The following KCNJ6 variants were observed in gnomAD, a reference collection of about 807,000 sequenced individuals.
KCNJ6 encodes the protein G protein-activated inward rectifier potassium channel 2.
In KCNJ6, 9 loss-of-function variants were observed where a neutral mutation model predicts 34.2. That is an observed-to-expected ratio of 0.26 (90% confidence interval 0.16 to 0.46). The LOEUF is 0.46. Among genes scored for constraint, KCNJ6 ranks in the 20% least tolerant of loss-of-function variants. The pLI is 1.00. For synonymous variants in KCNJ6, 196 were observed against 207.1 expected (o/e 0.95, Z 0.46); for missense variants, 236 against 531.3 (o/e 0.44, Z 5.46).
At chr21:37,803,797 T>C (rs952722428) in intron 2 of KCNJ6, among the ~76,000 whole-genome samples, 2 of 152,204 alleles carry the variant, frequency 1.3e-5, no homozygotes, top group African/African-American at 4.8e-5. Flanking sequence ...TCTGTTTCTC[T>C]CTTGGCATGA....
At chr21:37,852,429 T>C (rs2055542282) in intron 1 of KCNJ6, among the ~76,000 whole-genome samples, 1 of 152,168 alleles carries the variant, frequency 6.6e-6, no homozygotes, top group African/African-American at 2.4e-5. Context: ...TGAGAAGTAG[T>C]AATGAGGTGC....
At chr21:37,822,296 T>C (rs1024361659) in intron 2 of KCNJ6, among the ~76,000 whole-genome samples, 2 of 152,176 alleles carry the variant, frequency 1.3e-5, no homozygotes, top group Non-Finnish European at 2.9e-5. Flanking sequence ...GCCATACCAC[T>C]CTGAACATGC....
chr21:37,778,696 CGTGTGTGTGTGT>C (rs61218477), intron 2 of KCNJ6, among the ~76,000 whole-genome samples: 1 of 146,268 alleles, frequency 6.8e-6, no homozygotes, highest in African/African-American at 2.6e-5. Context: ...GTGCTGTGTG[CGTGTGTGTGTGT>C]GTGTGTGTGT....
chr21:37,685,304 T>G (rs889400050), intron 3 of KCNJ6, among the ~76,000 whole-genome samples: 3 of 151,980 alleles, frequency 2.0e-5, no homozygotes, highest in Non-Finnish European at 2.9e-5. Context: ...GGAAATCAAA[T>G]GATCCTTTGT....
In KCNJ6 at chr21:37,675,408, C is replaced by T. The variant is rs1165841215; in HGVS notation, c.946+38803G>A. Among the ~76,000 whole-genome samples, 1 of 151,846 alleles carries T rather than the reference C, an allele frequency of 6.6e-6. No individual in the cohort carries two copies. Among genetic ancestry groups the T allele is most frequent in the Non-Finnish European group, 1.5e-5 (1 of 67,994 alleles). On this transcript the variant is annotated intron_variant, in intron 3 of 3. Transcript: ENST00000609713. The surrounding 1 kb of genome is among the most constrained non-coding windows in gnomAD (Gnocchi z 4.2). Reference sequence around the variant, plus strand: ...CCGACGCACCGCTAGGTGGCGCACGCGCTCGCTGCGTCTTTCAGGGCTGCA... The same window carrying T: ...CCGACGCACCGCTAGGTGGCGCACGTGCTCGCTGCGTCTTTCAGGGCTGCA...
intron 2 of KCNJ6, among the ~76,000 whole-genome samples, chr21:37,717,895 A>G (rs1022097144): frequency 2.0e-5 from 3 of 152,192 alleles, no homozygotes; most frequent in Non-Finnish European, 4.4e-5. Flanking sequence ...TCCATCTCCA[A>G]TTTGTAGGCT....
At chr21:37,828,586 G>A (rs1017343989) in intron 2 of KCNJ6, among the ~76,000 whole-genome samples, 1 of 152,226 alleles carries the variant, frequency 6.6e-6, no homozygotes, top group African/African-American at 2.4e-5. Flanking sequence ...TGCATGAGGT[G>A]AAAAGCAAAT....
intron 2 of KCNJ6, among the ~76,000 whole-genome samples, chr21:37,818,297 G>A (rs1392155373): frequency 1.3e-5 from 2 of 151,658 alleles, no homozygotes; most frequent in African/African-American, 4.8e-5. Context: ...TACCAGCAAA[G>A]CTGCAAAACA....
intron 2 of KCNJ6, among the ~76,000 whole-genome samples, chr21:37,809,175 C>T (rs1035750865): frequency 2.0e-5 from 3 of 152,150 alleles, no homozygotes; most frequent in African/African-American, 4.8e-5. Flanking sequence ...CACATATACC[C>T]CATGGAATAC....
At chr21:37,807,418 T>C (rs1263044392) in intron 2 of KCNJ6, among the ~76,000 whole-genome samples, 2 of 152,238 alleles carry the variant, frequency 1.3e-5, no homozygotes, top group Admixed American at 6.5e-5. Flanking sequence ...AATTCAAAGA[T>C]GGTGAGAGAT....
chr21:37,638,921 T>G (rs1816713242), intron 3 of KCNJ6, among the ~76,000 whole-genome samples: 2 of 152,212 alleles, frequency 1.3e-5, no homozygotes, highest in African/African-American at 4.8e-5. Context: ...CAAAACACTT[T>G]CGGAACGGTC....
At chr21:37,846,858 TG>T (rs1219547321) in intron 1 of KCNJ6, among the ~76,000 whole-genome samples, 2 of 152,142 alleles carry the variant, frequency 1.3e-5, no homozygotes, top group Admixed American at 6.6e-5. Context: ...TCTCAACAAA[TG>T]CACCAGCCCT....
chr21:37,836,437 C>G (rs545698818), intron 2 of KCNJ6, among the ~76,000 whole-genome samples: 12 of 152,176 alleles, frequency 7.9e-5, no homozygotes, highest in Non-Finnish European at 1.5e-4. Context: ...GCCACATGCA[C>G]ACACGTGTTT....
chr21:37,713,392 T>C (rs2054772939), intron 3 of KCNJ6, among the ~76,000 whole-genome samples: 1 of 152,208 alleles, frequency 6.6e-6, no homozygotes, highest in Non-Finnish European at 1.5e-5. Flanking sequence ...CGTGAGGCAC[T>C]ATGGTTATCT....
intron 3 of KCNJ6, among the ~76,000 whole-genome samples, chr21:37,655,218 TGTGTGTGAGA>T (rs2054455101): frequency 1.4e-4 from 2 of 13,882 alleles, no homozygotes; most frequent in Non-Finnish European, 4.2e-4. Context: ...TGTGTGTGTG[TGTGTGTGAGA>T]GAGAGAGAGA....
At chr21:37,742,852 T>C (rs2835921) in intron 2 of KCNJ6, among the ~76,000 whole-genome samples, 10,766 of 152,304 alleles carry the variant, frequency 0.071, 882 homozygotes, top group African/African-American at 0.2. Context: ...GGGCCACTGA[T>C]GATGTGTCCT....
chr21:37,799,931 T>A (rs182601093), intron 2 of KCNJ6, among the ~76,000 whole-genome samples: 1 of 152,184 alleles, frequency 6.6e-6, no homozygotes, highest in Non-Finnish European at 1.5e-5. Context: ...CAAAAATTCC[T>A]ACAAAAAACT....
Position 37,809,076 on chromosome 21 carries a change from A to G in KCNJ6, c.25+31582T>C, listed in dbSNP as rs539291786. On this transcript the variant is annotated intron_variant, in intron 2 of 3. Transcript: ENST00000609713. ...TGCTGCTATAAAGACACATGCACAC[A>G]TATGTTTATTGCGGCACTATTCACA... 5.8e-3 allele frequency among the ~76,000 whole-genome samples: 884 copies of G among 152,338 alleles called. 3 individuals are homozygous for G. Among genetic ancestry groups the G allele is most frequent in the Non-Finnish European group, 9.4e-3 (641 of 68,034 alleles).
At chr21:37,758,798 T>G (rs981658050) in intron 2 of KCNJ6, among the ~76,000 whole-genome samples, 14 of 151,820 alleles carry the variant, frequency 9.2e-5, no homozygotes, top group African/African-American at 3.4e-4. Flanking sequence ...GCCTGCCTAC[T>G]TTTTTGTTTT....
Sources: allele counts gnomAD v4.1 joint callset (sites outside exome capture counted in the v4.1 genomes callset), GRCh38; gene constraint gnomAD v4.1.1; non-coding constraint Gnocchi (gnomAD v3.1); transcripts MANE v1.5; gene names NCBI Gene and HGNC (gene_info 2026-07-23, HGNC 2026-07-21).